ITGB1: variants seen among roughly 807,000 people sequenced by gnomAD.
ITGB1 encodes the protein integrin subunit beta 1.
A neutral mutation model predicts 86.5 loss-of-function variants in ITGB1; 24 were observed. The observed-to-expected ratio is 0.28, with a 90% CI of 0.20 to 0.39. ITGB1 has a LOEUF of 0.39. Among genes scored for constraint, ITGB1 ranks in the 10% least tolerant of loss-of-function variants. The pLI is 1.00. For synonymous variants in ITGB1, 323 were observed against 316.8 expected (o/e 1.02, Z -0.21); for missense variants, 556 against 946.9 (o/e 0.59, Z 5.42).
In ITGB1 at chr10:32,918,088, G is replaced by T. The variant is rs181756367; in HGVS notation, c.1469+1797C>A. On this transcript the variant is annotated intron_variant, in intron 11 of 15. Coordinates refer to ENST00000302278, the MANE Select transcript of ITGB1 (RefSeq NM_002211.4). ...AAACCATCATTCTGAGAAAACTATC[G>T]CAAGGACAGAAAACCAAACACTGCA... Among the ~76,000 whole-genome samples the T allele has an allele frequency of 3.7e-4, 56 of 152,226 alleles. No individual in the cohort carries two copies. In the East Asian group the frequency reaches 0.01, roughly 28 times the overall value.
At chr10:32,916,729 A>G (rs1035113688) in intron 11 of ITGB1, among the ~76,000 whole-genome samples, 13 of 152,320 alleles carry the variant, frequency 8.5e-5, no homozygotes, top group African/African-American at 2.9e-4. Context: ...ATGCTCATGG[A>G]TAGGAAGAAT....
intron 1 of ITGB1, among the ~76,000 whole-genome samples, chr10:32,950,765 G>T (rs2095041077): frequency 6.6e-6 from 1 of 151,898 alleles, no homozygotes; most frequent in Non-Finnish European, 1.5e-5. Context: ...TGATAGCCTG[G>T]GCTAAGAAGC....
chr10:32,932,868 G>A (rs1464681445), intron 2 of ITGB1, among the ~76,000 whole-genome samples: 2 of 151,920 alleles, frequency 1.3e-5, no homozygotes, highest in African/African-American at 4.8e-5. Flanking sequence ...AATGGTAAAT[G>A]GGGTATTCAT....
intron 4 of ITGB1, among the ~76,000 whole-genome samples, chr10:32,929,504 T>C (rs1158863408): frequency 6.6e-6 from 1 of 152,252 alleles, no homozygotes; most frequent in East Asian, 1.9e-4. Context: ...AAAATGTTGC[T>C]TTTATAATAT....
intron 11 of ITGB1, 85 bp downstream of exon 11, chr10:32,919,800 T>C: frequency 1.7e-6 from 2 of 1,164,348 alleles, no homozygotes; most frequent in South Asian, 1.3e-5. Context: ...AATAGAGAGA[T>C]ATTCTCTGGA....
intron 12 of ITGB1, 52 bp downstream of exon 12, chr10:32,911,834 C>A: frequency 6.6e-7 from 1 of 1,505,760 alleles, no homozygotes; most frequent in South Asian, 1.2e-5. Flanking sequence ...CAAGATTTTT[C>A]GTGGCATTAG....
Position 32,908,359 on chromosome 10 carries a change from G to A in ITGB1, c.2331+9C>T, listed in dbSNP as rs760891308. On this transcript the variant is annotated intron_variant, in intron 15 of 15. Transcript: ENST00000302278. ...AGCCACTTTGCTTTTTGGATGTTTT[G>A]TAACTTACCGTGTCCCATTTGGCAT... The A allele has an allele frequency of 1.5e-5, 24 of 1,613,600 alleles. No individual in the cohort carries two copies. In the East Asian group the frequency reaches 5.4e-4, roughly 36 times the overall value.
At position 32,906,059 on chromosome 10, in the gene ITGB1, GACAC is replaced by G. The variant is rs1160142929; in HGVS notation, c.2331+2305_2331+2308del. Among the ~76,000 whole-genome samples, 12 of 151,794 alleles carry G rather than the reference GACAC, an allele frequency of 7.9e-5. No homozygotes were observed. The South Asian group carries it at 2.5e-3, about 32-fold the overall frequency. On this transcript the variant is annotated intron_variant, in intron 15 of 15. Transcript: ENST00000302278. ...AGAATCATTCTCACATACACACACA[GACAC>G]ACACACATATATATATAATATACAT...
intron 1 of ITGB1, among the ~76,000 whole-genome samples, chr10:32,945,553 C>G (rs1380788381): frequency 6.6e-6 from 1 of 151,786 alleles, no homozygotes; most frequent in East Asian, 1.9e-4. Context: ...GAGCTGAGAT[C>G]ACGCCACTGC....
At chr10:32,934,172 T>C (rs1387208421) in intron 2 of ITGB1, among the ~76,000 whole-genome samples, 2 of 152,274 alleles carry the variant, frequency 1.3e-5, no homozygotes, top group East Asian at 1.9e-4. Context: ...CCAAAAGTAA[T>C]ATACAGTTGA....
intron 12 of ITGB1, 83 bp from the exon 13 acceptor site, chr10:32,911,753 G>A (rs2094914201): frequency 1.3e-6 from 2 of 1,494,572 alleles, no homozygotes; most frequent in African/African-American, 1.4e-5. Context: ...GCAACAACAT[G>A]TGAGAAAGTA....
intron 1 of ITGB1, chr10:32,944,724 C>G (rs1391627298): frequency 5.8e-6 from 4 of 695,034 alleles, no homozygotes; most frequent in Non-Finnish European, 1.1e-5. Flanking sequence ...GTGATTAGCC[C>G]GAATGTGCCC....
chr10:32,909,369 A>G (rs1211834665), intron 14 of ITGB1, among the ~76,000 whole-genome samples: 1 of 152,230 alleles, frequency 6.6e-6, no homozygotes, highest in Non-Finnish European at 1.5e-5. Flanking sequence ...GAAACCCCAG[A>G]AACTATAAAA....
chr10:32,918,571 G>A (rs548996524), intron 11 of ITGB1, among the ~76,000 whole-genome samples: 18 of 152,208 alleles, frequency 1.2e-4, no homozygotes, highest in Admixed American at 9.8e-4. Flanking sequence ...AGTTCATATG[G>A]AATATATGCA....
intron 11 of ITGB1, among the ~76,000 whole-genome samples, chr10:32,912,828 C>T (rs185126509): frequency 2.3e-4 from 35 of 152,270 alleles, no homozygotes; most frequent in Admixed American, 1.4e-3. Flanking sequence ...TCTCCCAGCA[C>T]GGAGTCTGAC....
Position 32,917,098 on chromosome 10 carries a change from T to C in ITGB1, c.1469+2787A>G, listed in dbSNP as rs866829227. 1.8e-3 allele frequency among the ~76,000 whole-genome samples: 272 copies of C among 152,316 alleles called. 2 individuals carry two copies. The highest frequency in any genetic ancestry group is 5.0e-3 in the African/African-American group (206 of 41,564). On this transcript the variant is annotated intron_variant, in intron 11 of 15. Coordinates refer to ENST00000302278, the MANE Select transcript of ITGB1 (RefSeq NM_002211.4). The stretch of plus-strand genomic sequence containing the variant: ...CAAAAACAAGAAATGGGGAAAGGAT[T>C]CCCTATTTAATAAATGGTGCTGGGA...
At chr10:32,908,697 A>G (rs2094904155) in intron 14 of ITGB1, among the ~76,000 whole-genome samples, 163 bp from the exon 15 acceptor site, 1 of 152,044 alleles carries the variant, frequency 6.6e-6, no homozygotes, top group South Asian at 2.1e-4. Flanking sequence ...TGCAGGATAC[A>G]TGATCAATGA....
At chr10:32,908,943 G>A (rs975487407) in intron 14 of ITGB1, among the ~76,000 whole-genome samples, 3 of 152,114 alleles carry the variant, frequency 2.0e-5, no homozygotes, top group Admixed American at 1.3e-4. Flanking sequence ...ACCTAATACC[G>A]TTAAGACGTC....
intron 1 of ITGB1, among the ~76,000 whole-genome samples, 170 bp from the exon 2 acceptor site, chr10:32,935,728 T>G (rs2245840): frequency 0.83 from 126,703 of 151,950 alleles, 53,404 homozygotes; most frequent in Non-Finnish European, 0.9. Context: ...CCCCTCCCTA[T>G]CTGGTTCCCT....
Sources: gnomAD v4.1 joint callset for allele counts (sites outside exome capture counted in the v4.1 genomes callset) on GRCh38, gnomAD v4.1.1 for gene constraint, MANE v1.5 for transcripts, NCBI Gene and HGNC (gene_info 2026-07-23, HGNC 2026-07-21) for gene names.